The following SMAD6 variants were observed in gnomAD, a reference collection of about 807,000 sequenced individuals.
SMAD6 encodes the protein MAD homolog 6.
SMAD6 carries 103 observed loss-of-function variants against 39.4 expected under a neutral mutation model. That is an observed-to-expected ratio of 2.62 (90% confidence interval 2.23 to 3.08). SMAD6 has a LOEUF of 3.08. Among genes scored for constraint, SMAD6 ranks in the 30% most tolerant of loss-of-function variants. The pLI, the probability that SMAD6 is intolerant of heterozygous loss-of-function variation, is 0.00. For synonymous variants in SMAD6, 445 were observed against 353.3 expected (o/e 1.26, Z -2.91); for missense variants, 1,104 against 742.9 (o/e 1.49, Z -5.65).
chr15:66,769,526 C>T (rs1270943990), intron 3 of SMAD6, among the ~76,000 whole-genome samples: 2 of 152,084 alleles, frequency 1.3e-5, no homozygotes, highest in South Asian at 2.1e-4. Flanking sequence ...GGGAGCTAAG[C>T]GGCCTGGTGG....
chr15:66,753,933 A>G (rs1894053191), intron 3 of SMAD6, among the ~76,000 whole-genome samples: 1 of 152,186 alleles, frequency 6.6e-6, no homozygotes, highest in African/African-American at 2.4e-5. Context: ...GGCAGTGTGC[A>G]GGGTGCCTGG....
At position 66,747,583 on chromosome 15, in the gene SMAD6, T is replaced by C. The variant is rs1393146407; in HGVS notation, c.952+31085T>C. Among the ~76,000 whole-genome samples the C allele has an allele frequency of 6.6e-6, 1 of 152,256 alleles. No homozygotes were observed. The highest frequency in any genetic ancestry group is 1.5e-5 in the Non-Finnish European group (1 of 68,044). ...ATCTGCCTACTGGCATTGCTGCTTC[T>C]CACCTGAAGCTAATTCCCAGGTAGT... On this transcript the variant is annotated intron_variant, in intron 3 of 3. Coordinates refer to ENST00000288840, the MANE Select transcript of SMAD6 (RefSeq NM_005585.5). The surrounding 1 kb of genome is among the most constrained non-coding windows in gnomAD (Gnocchi z 4.5).
intron 3 of SMAD6, among the ~76,000 whole-genome samples, chr15:66,728,400 G>GT (rs758049953): frequency 0.2 from 29,518 of 148,418 alleles, 3,191 homozygotes; most frequent in Admixed American, 0.36. Flanking sequence ...TCATCCTTTT[G>GT]TTTTTTTTTT....
At chr15:66,739,738 A>G (rs1893779717) in intron 3 of SMAD6, among the ~76,000 whole-genome samples, 1 of 152,240 alleles carries the variant, frequency 6.6e-6, no homozygotes, top group African/African-American at 2.4e-5. Context: ...GGGAAATCCC[A>G]TAATCTGACT....
intron 2 of SMAD6, among the ~76,000 whole-genome samples, chr15:66,713,234 C>G (rs1227244377): frequency 6.6e-6 from 1 of 152,196 alleles, no homozygotes; most frequent in Non-Finnish European, 1.5e-5. Flanking sequence ...AACATTCCAC[C>G]AAGTGACCAC....
At chr15:66,733,521 G>A (rs1429040666) in intron 3 of SMAD6, among the ~76,000 whole-genome samples, 4 of 152,016 alleles carry the variant, frequency 2.6e-5, no homozygotes, top group Admixed American at 6.6e-5. Context: ...TGTTAAACTT[G>A]TACTTAGGTA....
At chr15:66,731,268 C>T (rs1320432449) in intron 3 of SMAD6, among the ~76,000 whole-genome samples, 1 of 151,646 alleles carries the variant, frequency 6.6e-6, no homozygotes, top group Non-Finnish European at 1.5e-5. Flanking sequence ...GAAACCCCGT[C>T]TCTACTAAAA....
intron 3 of SMAD6, among the ~76,000 whole-genome samples, chr15:66,769,157 G>A (rs555512204): frequency 3.3e-5 from 5 of 152,314 alleles, no homozygotes; most frequent in African/African-American, 1.2e-4. Flanking sequence ...TAACCTGTGA[G>A]TTAGGTAATC....
In SMAD6 at chr15:66,781,414, G is replaced by GCCCCTACGA. The variant is rs1894572138; in HGVS notation, c.1375_1383dup (p.Tyr459_Pro461dup). 1.9e-6 allele frequency: 3 copies of GCCCCTACGA among 1,604,274 alleles called. No homozygotes were observed. The highest frequency in any genetic ancestry group is 1.7e-6 in the Non-Finnish European group (2 of 1,178,144). ...GCGCCCGAGCCCGACGCCGCCGACG[G>GCCCCTACGA]CCCCTACGACCCCAACAGCGTCCGC... On this transcript the variant is annotated inframe_insertion, in exon 4 of 4. Coordinates refer to ENST00000288840, the MANE Select transcript of SMAD6 (RefSeq NM_005585.5).
intron 3 of SMAD6, among the ~76,000 whole-genome samples, chr15:66,726,882 T>A (rs1057118040): frequency 2.0e-5 from 3 of 151,446 alleles, no homozygotes; most frequent in Non-Finnish European, 4.4e-5. Flanking sequence ...TTTTTTTTTT[T>A]AAATTCCCCA....
At position 66,781,498 on chromosome 15, in the gene SMAD6, C is replaced by T. The variant is rs779523813; in HGVS notation, c.1454C>T (p.Pro485Leu). ...CYSRQFITSC[P>L]CWLEILLNNP... ...TCCCGGCAGTTCATCACCTCCTGCC[C>T]CTGCTGGCTGGAGATCCTCCTCAAC... Residue 485 changes from proline (P) to leucine (L), a missense_variant, in exon 4 of 4, where the codon CCC (proline) becomes CTC (leucine). Pro to Leu is a moderately conservative substitution (Grantham distance 98). Transcript: ENST00000288840. 2 of 1,573,940 alleles carry T rather than the reference C, an allele frequency of 1.3e-6. No individual in the cohort carries two copies. Among genetic ancestry groups the T allele is most frequent in the Non-Finnish European group, 1.7e-6 (2 of 1,162,986 alleles).
chr15:66,729,888 C>G (rs780062262), intron 3 of SMAD6, among the ~76,000 whole-genome samples: 2 of 152,206 alleles, frequency 1.3e-5, no homozygotes, highest in Non-Finnish European at 1.5e-5. Context: ...GCCCTCTGCT[C>G]CAGACGAGGG....
At position 66,781,069 on chromosome 15, in the gene SMAD6, G is replaced by A. The variant is rs757635348; in HGVS notation, c.1025G>A (p.Arg342His). The change falls in exon 4 of 4, where the codon CGC (arginine) becomes CAC (histidine). Residue 342 changes from arginine to histidine, a missense_variant. Arg to His is a conservative substitution (Grantham distance 29). Transcript: ENST00000288840. ...GTGGCGTACTGGGAGCACCGGACGCGCGTGGGCCGCCTCTATGCGGTGTAC... is the reference window on the plus strand; with the variant it reads ...GTGGCGTACTGGGAGCACCGGACGCACGTGGGCCGCCTCTATGCGGTGTAC... ...CSVAYWEHRT[R>H]VGRLYAVYDQ... is the part of the protein sequence containing the mutation. 6 of 1,604,726 alleles carry A rather than the reference G, an allele frequency of 3.7e-6. No individual in the cohort carries two copies. The highest frequency in any genetic ancestry group is 5.1e-6 in the Non-Finnish European group (6 of 1,178,740).
intron 3 of SMAD6, among the ~76,000 whole-genome samples, chr15:66,725,541 T>A (rs1253680784): frequency 6.6e-6 from 1 of 152,224 alleles, no homozygotes; most frequent in Non-Finnish European, 1.5e-5. Flanking sequence ...CAGATAGGGA[T>A]CTGGAAGTCA....
chr15:66,744,546 G>A (rs1893875010), intron 3 of SMAD6, among the ~76,000 whole-genome samples: 1 of 152,214 alleles, frequency 6.6e-6, no homozygotes, highest in African/African-American at 2.4e-5. Context: ...GACGTGCAGT[G>A]AATATTTGTT....
At chr15:66,728,287 C>G (rs1413689995) in intron 3 of SMAD6, among the ~76,000 whole-genome samples, 1 of 152,250 alleles carries the variant, frequency 6.6e-6, no homozygotes, top group African/African-American at 2.4e-5. Flanking sequence ...ACTTCTAACC[C>G]CATCGTGTAG....
intron 3 of SMAD6, among the ~76,000 whole-genome samples, chr15:66,737,476 C>T (rs554467618): frequency 2.0e-5 from 3 of 152,266 alleles, no homozygotes; most frequent in East Asian, 1.9e-4. Context: ...TCTCCACCTC[C>T]GACGGTAGTG....
At chr15:66,734,104 C>T (rs776746380) in intron 3 of SMAD6, among the ~76,000 whole-genome samples, 4 of 152,176 alleles carry the variant, frequency 2.6e-5, no homozygotes, top group African/African-American at 9.7e-5. Flanking sequence ...AGGGAGAGGC[C>T]GGAGAGGCGG....
intron 3 of SMAD6, chr15:66,717,276 G>T (rs1356715917): frequency 2.0e-6 from 1 of 512,000 alleles, no homozygotes; most frequent in African/African-American, 2.0e-5. Context: ...TGCATACCTT[G>T]TGGGCATGTC....
Sources: gnomAD v4.1 joint callset for allele counts (sites outside exome capture counted in the v4.1 genomes callset) on GRCh38, gnomAD v4.1.1 for gene constraint, Gnocchi (gnomAD v3.1) non-coding constraint, MANE v1.5 for transcripts, NCBI Gene and HGNC (gene_info 2026-07-23, HGNC 2026-07-21) for gene names.